Variants in COA1 observed in about 807,000 individuals in gnomAD.
COA1 encodes the protein cytochrome c oxidase assembly factor 1.
Under a neutral mutation model 16.0 loss-of-function variants are expected in COA1, and 13 were observed. That is an observed-to-expected ratio of 0.81 (90% confidence interval 0.53 to 1.29). The LOEUF (loss-of-function observed/expected upper bound fraction) is 1.29, where lower values mean the gene tolerates loss of function less well. COA1 is among the 50% of genes most tolerant of loss of function. The pLI, the probability that COA1 is intolerant of heterozygous loss-of-function variation, is 0.00. For missense variants in COA1, 179 were observed against 177.0 expected, an observed-to-expected ratio of 1.01 and a Z score of -0.06; for synonymous variants, 65 against 65.7, an observed-to-expected ratio of 0.99 and a Z score of 0.05.
chr7:43,627,962 A>G (rs1421966399), intron 6 of COA1, among the ~76,000 whole-genome samples: 1 of 151,986 alleles, frequency 6.6e-6, no homozygotes, highest in Non-Finnish European at 1.5e-5. Flanking sequence ...TTATATCAGC[A>G]GTTTGTTGCT....
downstream of COA1, among the ~76,000 whole-genome samples, chr7:43,636,878 C>T (rs2085961717): frequency 6.6e-6 from 1 of 152,182 alleles, no homozygotes; most frequent in Non-Finnish European, 1.5e-5. Flanking sequence ...TGTGCTTACC[C>T]CCAAATCTTT....
At chr7:43,610,544 A>G (rs925318260) in intron 6 of COA1, among the ~76,000 whole-genome samples, 2 of 150,488 alleles carry the variant, frequency 1.3e-5, no homozygotes, top group South Asian at 4.2e-4. Flanking sequence ...GCGCACGCCT[A>G]TAGTCCCAGC....
intron 1 of COA1, among the ~76,000 whole-genome samples, chr7:43,709,873 C>A (rs762800420): frequency 6.6e-6 from 1 of 152,160 alleles, no homozygotes; most frequent in Non-Finnish European, 1.5e-5. Context: ...GGGTACCTAA[C>A]TTGCCTGAGG....
intron 1 of COA1, among the ~76,000 whole-genome samples, chr7:43,682,861 T>C (rs2093831401): frequency 6.6e-6 from 1 of 152,216 alleles, no homozygotes; most frequent in Non-Finnish European, 1.5e-5. Flanking sequence ...TTTGTTTGTT[T>C]GTTTTTGAGA....
chr7:43,637,055 C>T (rs2085998231), downstream of COA1, among the ~76,000 whole-genome samples: 1 of 152,240 alleles, frequency 6.6e-6, no homozygotes. Context: ...TGGGGCCTTT[C>T]TTCATGTTGT....
At chr7:43,709,774 G>A in intron 1 of COA1, among the ~76,000 whole-genome samples, 1 of 151,918 alleles carries the variant, frequency 6.6e-6, no homozygotes, top group Non-Finnish European at 1.5e-5. Flanking sequence ...CTTCTGCACT[G>A]TCATATAAAT....
At position 43,694,245 on chromosome 7, in the gene COA1, T is replaced by C. The variant is rs547333735; in HGVS notation, c.-39+35184A>G. Among the ~76,000 whole-genome samples the C allele has an allele frequency of 2.1e-5, 3 of 144,670 alleles. No homozygotes were observed. The South Asian group carries it at 6.7e-4, about 32-fold the overall frequency. 94.9% of individuals were successfully genotyped at this position (144,670 alleles called of 152,430 possible). ...CACATCAGCATCAAAAACACTATAA[T>C]AGCTCCCATCTTTAAAAAAAAAAAA... On this transcript the variant is annotated intron_variant, in intron 1 of 5. Transcript: ENST00000223336.
intron 1 of COA1, among the ~76,000 whole-genome samples, chr7:43,717,541 C>T (rs899728385): frequency 2.0e-5 from 3 of 152,114 alleles, no homozygotes; most frequent in Non-Finnish European, 2.9e-5. Context: ...TTTGATTTTA[C>T]GGGCTTATAG....
At chr7:43,631,688 A>G (rs2153039989) in intron 6 of COA1, 1 of 152,316 alleles carries the variant, frequency 6.6e-6, no homozygotes, top group South Asian at 2.1e-4. Flanking sequence ...TTTAGTTTTC[A>G]GAAGTCTGTC....
At position 43,710,456 on chromosome 7, in the gene COA1, T is replaced by G. The variant is rs1356432184; in HGVS notation, c.-39+18973A>C. ...AGTTACTGCCTAAAGCCCAATGTTA[T>G]AAAATATGGGTCATGTCTCATTCCC... On this transcript the variant is annotated intron_variant, in intron 1 of 5. Transcript: ENST00000223336. Among the ~76,000 whole-genome samples, 4 of 147,990 alleles carry G rather than the reference T, an allele frequency of 2.7e-5. No individual in the cohort carries two copies. In the Admixed American group the frequency reaches 2.7e-4, roughly 10 times the overall value.
intron 4 of COA1, among the ~76,000 whole-genome samples, chr7:43,644,480 A>G (rs2088151145): frequency 1.3e-5 from 2 of 152,176 alleles, no homozygotes; most frequent in Non-Finnish European, 2.9e-5. Context: ...CAAAGTTTAA[A>G]GAGTTGGGTA....
chr7:43,628,208 T>G (rs1209565822), intron 6 of COA1, among the ~76,000 whole-genome samples: 1 of 152,112 alleles, frequency 6.6e-6, no homozygotes, highest in Non-Finnish European at 1.5e-5. Context: ...GTCAAGCTGG[T>G]CTCGAACTCC....
At chr7:43,727,146 A>G (rs1287535027) in intron 1 of COA1, among the ~76,000 whole-genome samples, 1 of 152,238 alleles carries the variant, frequency 6.6e-6, no homozygotes, top group African/African-American at 2.4e-5. Context: ...TGTCAACGAA[A>G]AAGAATGAAA....
intron 6 of COA1, among the ~76,000 whole-genome samples, chr7:43,613,235 C>T (rs2083040299): frequency 6.6e-6 from 1 of 152,144 alleles, no homozygotes; most frequent in Non-Finnish European, 1.5e-5. Flanking sequence ...ATTCAGGGTG[C>T]AAAAATTCCA....
intron 6 of COA1, among the ~76,000 whole-genome samples, chr7:43,612,844 A>G (rs558839007): frequency 2.6e-5 from 4 of 152,234 alleles, no homozygotes; most frequent in Non-Finnish European, 5.9e-5. Flanking sequence ...CAGATTTAGG[A>G]GTCTGTAAAA....
At chr7:43,683,193 G>A (rs1056529090) in intron 1 of COA1, among the ~76,000 whole-genome samples, 2 of 152,046 alleles carry the variant, frequency 1.3e-5, no homozygotes, top group African/African-American at 2.4e-5. Context: ...TATCAGAATC[G>A]TTAACTCCTC....
At chr7:43,623,925 T>G (rs1165369117) in intron 6 of COA1, 12 of 1,320,928 alleles carry the variant, frequency 9.1e-6, no homozygotes, top group Non-Finnish European at 1.2e-5. Context: ...ATTGAACTAA[T>G]TCAATATTAA....
chr7:43,613,728 C>T (rs1395340380), intron 6 of COA1, among the ~76,000 whole-genome samples: 2 of 152,046 alleles, frequency 1.3e-5, no homozygotes, highest in Admixed American at 6.6e-5. Context: ...CCTTTAGTCC[C>T]AGCTACAGAG....
chr7:43,663,836 G>A (rs985627785), intron 1 of COA1, among the ~76,000 whole-genome samples: 7 of 151,856 alleles, frequency 4.6e-5, no homozygotes, highest in Admixed American at 4.6e-4. Context: ...TTTAGGCCAG[G>A]CACAGTGGCC....
Sources: gnomAD v4.1 joint callset for allele counts (sites outside exome capture counted in the v4.1 genomes callset) on GRCh38, gnomAD v4.1.1 for gene constraint, MANE v1.5 for transcripts, NCBI Gene and HGNC (gene_info 2026-07-23, HGNC 2026-07-21) for gene names.